The following SCAMP1 variants were observed in gnomAD, a reference collection of about 807,000 sequenced individuals.
SCAMP1 encodes the protein secretory carrier membrane protein 1.
SCAMP1 carries 15 observed loss-of-function variants against 41.8 expected under a neutral mutation model. The ratio of observed to expected loss-of-function variants is 0.36; its 90% CI spans 0.24 to 0.55. The LOEUF is 0.55. Among genes scored for constraint, SCAMP1 ranks in the 20% least tolerant of loss-of-function variants. SCAMP1 has a pLI of 0.86. For synonymous variants in SCAMP1, 135 were observed against 136.8 expected (o/e 0.99, Z 0.09); for missense variants, 341 against 412.6 (o/e 0.83, Z 1.50).
chr5:78,461,924 C>T lies in SCAMP1; in HGVS notation c.852+2562C>T, dbSNP rs1374660187. ...TTCTTTTTGCTTAGGATTGCTTTAG[C>T]TATTCAGACTCTTTTTGGTTCCATA... is the stretch of plus-strand genomic sequence containing the variant. On this transcript the variant is annotated intron_variant, in intron 8 of 8. Coordinates refer to ENST00000621999, the MANE Select transcript of SCAMP1 (RefSeq NM_004866.6). Among the ~76,000 whole-genome samples the T allele has an allele frequency of 2.0e-5, 3 of 152,120 alleles. No individual in the cohort carries two copies. The East Asian group carries it at 5.8e-4, about 29-fold the overall frequency.
At chr5:78,383,640 T>C (rs573670843) in intron 1 of SCAMP1, among the ~76,000 whole-genome samples, 3 of 152,210 alleles carry the variant, frequency 2.0e-5, no homozygotes, top group Non-Finnish European at 4.4e-5. Context: ...GGTTTCATTC[T>C]TCTACATGTG....
At chr5:78,445,450 C>T (rs1437603485) in intron 6 of SCAMP1, among the ~76,000 whole-genome samples, 2 of 152,262 alleles carry the variant, frequency 1.3e-5, no homozygotes, top group African/African-American at 2.4e-5. Context: ...TAAACTGAGG[C>T]AGATTACAAT....
At chr5:78,458,265 A>G (rs1753486147) in intron 7 of SCAMP1, among the ~76,000 whole-genome samples, 1 of 152,088 alleles carries the variant, frequency 6.6e-6, no homozygotes, top group African/African-American at 2.4e-5. Flanking sequence ...TGCTTGTGCT[A>G]TTTTACACTC....
chr5:78,433,195 G>C (rs1436717416), intron 6 of SCAMP1, among the ~76,000 whole-genome samples: 3 of 152,130 alleles, frequency 2.0e-5, no homozygotes, highest in Admixed American at 6.6e-5. Flanking sequence ...TTTTTTGTCT[G>C]ATAATGCCAA....
At chr5:78,439,844 A>G (rs6889666) in intron 6 of SCAMP1, among the ~76,000 whole-genome samples, 5,500 of 152,236 alleles carry the variant, frequency 0.036, 315 homozygotes, top group African/African-American at 0.12. Flanking sequence ...CGTCACTTTC[A>G]GGTACACCAA....
intron 1 of SCAMP1, among the ~76,000 whole-genome samples, chr5:78,363,789 A>C (rs566719858): frequency 6.6e-6 from 1 of 152,234 alleles, no homozygotes; most frequent in Admixed American, 6.5e-5. Flanking sequence ...GGTTCTTGTA[A>C]GGCTATTTGC....
intron 2 of SCAMP1, among the ~76,000 whole-genome samples, chr5:78,404,473 T>G (rs1026698590): frequency 1.5e-5 from 2 of 131,532 alleles, no homozygotes; most frequent in African/African-American, 5.3e-5. Flanking sequence ...TTTTTTTTTT[T>G]GCTAGGCTGA....
At chr5:78,456,619 T>A (rs1580710869) in intron 7 of SCAMP1, among the ~76,000 whole-genome samples, 1 of 150,516 alleles carries the variant, frequency 6.6e-6, no homozygotes, top group South Asian at 2.1e-4. Context: ...CCCTTAACAT[T>A]TTTTCCTTCA....
intron 8 of SCAMP1, among the ~76,000 whole-genome samples, chr5:78,474,920 T>C (rs370574799): frequency 3.9e-5 from 6 of 152,192 alleles, no homozygotes. Context: ...GGAGAAACAA[T>C]TCCCAGAAGT....
chr5:78,434,847 G>A (rs1386375645), intron 6 of SCAMP1, among the ~76,000 whole-genome samples: 1 of 152,100 alleles, frequency 6.6e-6, no homozygotes, highest in Non-Finnish European at 1.5e-5. Flanking sequence ...TTTATAATAA[G>A]TATAAAAATA....
chr5:78,448,409 G>A (rs1257386666), intron 6 of SCAMP1, among the ~76,000 whole-genome samples: 8 of 151,536 alleles, frequency 5.3e-5, no homozygotes. Context: ...ATCTGAAAGA[G>A]GACTTGTATT....
At chr5:78,443,787 T>C (rs1007658931) in intron 6 of SCAMP1, among the ~76,000 whole-genome samples, 4 of 147,796 alleles carry the variant, frequency 2.7e-5, no homozygotes, top group South Asian at 2.2e-4. Flanking sequence ...GCCTCCCAAA[T>C]AGGCAGGACT....
chr5:78,439,234 T>C (rs1460826300), intron 6 of SCAMP1, among the ~76,000 whole-genome samples: 1 of 152,234 alleles, frequency 6.6e-6, no homozygotes, highest in Non-Finnish European at 1.5e-5. Context: ...AATATTGTTA[T>C]GTGTGAATTT....
chr5:78,460,799 T>TCCTC (rs1753578519), intron 8 of SCAMP1, among the ~76,000 whole-genome samples: 1 of 45,038 alleles, frequency 2.2e-5, no homozygotes, highest in Admixed American at 1.9e-4. Flanking sequence ...CTTCCTTCCT[T>TCCTC]CCTTCCTCCC....
intron 2 of SCAMP1, among the ~76,000 whole-genome samples, chr5:78,411,331 T>C (rs914476160): frequency 1.3e-5 from 2 of 152,138 alleles, no homozygotes; most frequent in East Asian, 3.8e-4. Context: ...TAGCCTTAGT[T>C]TTTCTGCCCA....
At chr5:78,449,837 C>T in intron 6 of SCAMP1, 96 bp from the exon 7 acceptor site, 1 of 681,672 alleles carries the variant, frequency 1.5e-6, no homozygotes, top group Non-Finnish European at 2.4e-6. Context: ...TGTCATTCTG[C>T]AGGTAAATGT....
intron 6 of SCAMP1, among the ~76,000 whole-genome samples, chr5:78,435,660 A>G (rs1242729997): frequency 1.3e-5 from 2 of 152,122 alleles, no homozygotes; most frequent in African/African-American, 2.4e-5. Context: ...AGTCTTTGCT[A>G]TTGTGAATAG....
intron 6 of SCAMP1, among the ~76,000 whole-genome samples, chr5:78,436,966 A>G (rs963652887): frequency 2.0e-5 from 3 of 151,952 alleles, no homozygotes; most frequent in African/African-American, 7.3e-5. Context: ...ATTCCTAGGT[A>G]TTTTATTCTC....
Position 78,459,316 on chromosome 5 carries a change from C to A in SCAMP1, c.806C>A (p.Ala269Glu). ...GGAATCATGATGATAATCATAGCAG[C>A]ACTTTTCACAGCATCAGCAGTCATC... Reference protein sequence around the residue: ...PVGIMMIIIAALFTASAVISL... With the variant: ...PVGIMMIIIAELFTASAVISL... Residue 269 changes from alanine to glutamate, a missense_variant, in exon 8 of 9, where the codon GCA becomes GAA. Ala to Glu is a moderately radical substitution (Grantham distance 107). Transcript: ENST00000621999. 1 of 1,607,022 alleles carries A rather than the reference C, an allele frequency of 6.2e-7. No individual in the cohort carries two copies. Among genetic ancestry groups the A allele is most frequent in the Non-Finnish European group, 8.5e-7 (1 of 1,174,226 alleles).
Sources: allele counts gnomAD v4.1 joint callset (sites outside exome capture counted in the v4.1 genomes callset), GRCh38; gene constraint gnomAD v4.1.1; transcripts MANE v1.5; gene names NCBI Gene and HGNC (gene_info 2026-07-23, HGNC 2026-07-21).